The following GALNTL6 variants were observed in gnomAD, a reference collection of about 807,000 sequenced individuals.
The protein encoded by GALNTL6 is polypeptide N-acetylgalactosaminyltransferase-like 6.
A neutral mutation model predicts 73.7 loss-of-function variants in GALNTL6; 46 were observed. The ratio of observed to expected loss-of-function variants is 0.62; its 90% CI spans 0.49 to 0.80. The LOEUF (loss-of-function observed/expected upper bound fraction) is 0.80. Ranked by LOEUF, GALNTL6 falls within the 30% of genes least tolerant of loss-of-function variation. The probability of loss-of-function intolerance (pLI) is 0.00; values close to 1 mark genes in which losing one functional copy is unlikely to be tolerated. For missense variants in GALNTL6, 604 were observed against 755.0 expected, an observed-to-expected ratio of 0.80 and a Z score of 2.34; for synonymous variants, 259 against 263.7, an observed-to-expected ratio of 0.98 and a Z score of 0.17.
intron 3 of GALNTL6, among the ~76,000 whole-genome samples, chr4:172,294,590 A>G (rs1002584541): frequency 6.6e-6 from 1 of 152,194 alleles, no homozygotes; most frequent in African/African-American, 2.4e-5. Context: ...GAGAGAAAAC[A>G]GAAATTCTGT....
chr4:172,959,746 G>A (rs1749944625), intron 10 of GALNTL6, among the ~76,000 whole-genome samples: 1 of 152,158 alleles, frequency 6.6e-6, no homozygotes, highest in Non-Finnish European at 1.5e-5. Flanking sequence ...ATTTTCAGTG[G>A]GGTCCTGCAC....
rs994110574 is a variant in GALNTL6 at position 172,940,508 on chromosome 4, G to A, written c.1149+9240G>A. On this transcript the variant is annotated intron_variant, in intron 9 of 12. Transcript: ENST00000506823. ...CTCCCAAGTAGCTGGGACTACAGGT[G>A]CACGCCACCATGCCCAGCTAATTTT... is the stretch of plus-strand genomic sequence containing the variant. 1.1e-3 allele frequency among the ~76,000 whole-genome samples: 159 copies of A among 151,292 alleles called. 1 individual carries two copies. The highest frequency in any genetic ancestry group is 3.7e-3 in the African/African-American group (153 of 41,234).
chr4:172,410,780 T>C (rs188834182), intron 5 of GALNTL6, among the ~76,000 whole-genome samples: 1 of 152,284 alleles, frequency 6.6e-6, no homozygotes, highest in African/African-American at 2.4e-5. Flanking sequence ...ACTGGGCTTT[T>C]TTATTGGCTC....
chr4:172,114,945 C>G (rs1417131614), intron 2 of GALNTL6, among the ~76,000 whole-genome samples: 1 of 152,020 alleles, frequency 6.6e-6, no homozygotes, highest in Non-Finnish European at 1.5e-5. Context: ...CACTCCCAAA[C>G]ATCCCCTCCC....
chr4:171,959,785 T>C (rs1489776553), intron 2 of GALNTL6, among the ~76,000 whole-genome samples: 1 of 152,216 alleles, frequency 6.6e-6, no homozygotes, highest in Non-Finnish European at 1.5e-5. Context: ...TTCTACGTGA[T>C]GATACCAGCA....
chr4:172,406,720 A>T (rs1283898475), intron 5 of GALNTL6, among the ~76,000 whole-genome samples: 2 of 152,018 alleles, frequency 1.3e-5, no homozygotes, highest in East Asian at 3.9e-4. Context: ...AATTTGTCAT[A>T]TATTGTGGCC....
At chr4:172,351,913 A>C (rs977818564) in intron 5 of GALNTL6, among the ~76,000 whole-genome samples, 6 of 152,152 alleles carry the variant, frequency 3.9e-5, no homozygotes, top group Non-Finnish European at 8.8e-5. Flanking sequence ...AAAAGCACTA[A>C]ACTTTAACAA....
intron 5 of GALNTL6, among the ~76,000 whole-genome samples, chr4:172,685,621 A>T (rs1211853176): frequency 6.6e-6 from 1 of 152,158 alleles, no homozygotes; most frequent in African/African-American, 2.4e-5. Context: ...TCTTAAACTA[A>T]TTCTTCTATA....
At chr4:172,025,859 A>G (rs1487269804) in intron 2 of GALNTL6, among the ~76,000 whole-genome samples, 1 of 151,936 alleles carries the variant, frequency 6.6e-6, no homozygotes, top group East Asian at 1.9e-4. Context: ...AAGGCATTCA[A>G]AATTCTCAGG....
At chr4:172,572,163 GCT>G (rs1736786520) in intron 5 of GALNTL6, among the ~76,000 whole-genome samples, 1 of 152,114 alleles carries the variant, frequency 6.6e-6, no homozygotes, top group Non-Finnish European at 1.5e-5. Context: ...TACAGTCTGT[GCT>G]CTCTGTACAA....
At chr4:173,013,916 C>T (rs768924786) in intron 11 of GALNTL6, among the ~76,000 whole-genome samples, 2 of 152,094 alleles carry the variant, frequency 1.3e-5, no homozygotes, top group Admixed American at 6.6e-5. Flanking sequence ...CACTCTTCTA[C>T]ATTTAGATTA....
chr4:171,990,449 TG>T (rs1170267103), intron 2 of GALNTL6, among the ~76,000 whole-genome samples: 1 of 152,110 alleles, frequency 6.6e-6, no homozygotes, highest in African/African-American at 2.4e-5. Flanking sequence ...ACCCAAACAG[TG>T]GGTTTCAGAG....
chr4:172,340,989 G>A (rs34629752), intron 4 of GALNTL6, among the ~76,000 whole-genome samples: 23,354 of 151,900 alleles, frequency 0.15, 1,915 homozygotes, highest in East Asian at 0.19. Flanking sequence ...CACCTTGGTC[G>A]CCTGGACTCT....
intron 5 of GALNTL6, among the ~76,000 whole-genome samples, chr4:172,653,092 TTCTCTCA>T (rs1377525451): frequency 6.6e-6 from 1 of 151,862 alleles, no homozygotes; most frequent in Admixed American, 6.6e-5. Flanking sequence ...TCCAGTGGCT[TTCTCTCA>T]TCTCTCATCT....
chr4:172,852,645 G>C (rs1743896960), intron 7 of GALNTL6, among the ~76,000 whole-genome samples: 1 of 152,058 alleles, frequency 6.6e-6, no homozygotes, highest in African/African-American at 2.4e-5. Flanking sequence ...CATAGAGATA[G>C]TAAGTGATAA....
chr4:171,917,707 T>A (rs928478370), intron 2 of GALNTL6, among the ~76,000 whole-genome samples: 5 of 152,152 alleles, frequency 3.3e-5, no homozygotes, highest in African/African-American at 1.2e-4. Context: ...GCTTTCATAT[T>A]TCTAAGTTTA....
chr4:172,135,848 T>C (rs1733624059), intron 2 of GALNTL6, among the ~76,000 whole-genome samples: 1 of 152,168 alleles, frequency 6.6e-6, no homozygotes, highest in Admixed American at 6.5e-5. Context: ...ATCACATTCC[T>C]CTCACACTGA....
intron 5 of GALNTL6, among the ~76,000 whole-genome samples, chr4:172,748,169 A>T (rs967806307): frequency 2.0e-5 from 3 of 152,216 alleles, no homozygotes; most frequent in Admixed American, 1.3e-4. Context: ...TTAATAAAAA[A>T]CAAGTAAGAT....
intron 2 of GALNTL6, among the ~76,000 whole-genome samples, chr4:172,179,026 G>T (rs1191467119): frequency 1.4e-5 from 2 of 138,154 alleles, no homozygotes; most frequent in Non-Finnish European, 3.1e-5. Context: ...TGGTGTATAT[G>T]TGCCACATTT....
Sources: gnomAD v4.1 joint callset for allele counts (sites outside exome capture counted in the v4.1 genomes callset) on GRCh38, gnomAD v4.1.1 for gene constraint, MANE v1.5 for transcripts, NCBI Gene and HGNC (gene_info 2026-07-23, HGNC 2026-07-21) for gene names.